Variants in DAAM2 observed in about 807,000 individuals in gnomAD.
DAAM2 encodes disheveled-associated activator of morphogenesis 2.
In DAAM2, 39 loss-of-function variants were observed where a neutral mutation model predicts 120.7. The ratio of observed to expected loss-of-function variants is 0.32; its 90% CI spans 0.25 to 0.42. The LOEUF (loss-of-function observed/expected upper bound fraction) is 0.42. DAAM2 is among the 10% of genes least tolerant of loss of function. The pLI is 1.00. For synonymous variants in DAAM2, 488 were observed against 524.9 expected (o/e 0.93, Z 0.96); for missense variants, 1,283 against 1,401.7 (o/e 0.92, Z 1.35).
chr6:39,896,500 G>T (rs563475522), intron 19 of DAAM2, among the ~76,000 whole-genome samples: 5 of 152,234 alleles, frequency 3.3e-5, no homozygotes, highest in Admixed American at 1.3e-4. Context: ...ACCGCAACCG[G>T]CCTTCTTAAT....
chr6:39,847,282 T>C (rs1185354211), intron 1 of DAAM2, among the ~76,000 whole-genome samples: 1 of 152,164 alleles, frequency 6.6e-6, no homozygotes, highest in African/African-American at 2.4e-5. Flanking sequence ...AGTCCTGGGC[T>C]GTGGAACGGT....
intron 2 of DAAM2, among the ~76,000 whole-genome samples, chr6:39,859,621 A>G (rs1422577950): frequency 6.6e-6 from 1 of 152,244 alleles, no homozygotes; most frequent in African/African-American, 2.4e-5. Context: ...TTGAAGACTT[A>G]GTGTGAAAAA....
At chr6:39,866,987 G>C (rs1377696842) in intron 5 of DAAM2, among the ~76,000 whole-genome samples, 1 of 152,244 alleles carries the variant, frequency 6.6e-6, no homozygotes, top group Non-Finnish European at 1.5e-5. Context: ...TTCTTCAGCA[G>C]AACACAGACT....
intron 1 of DAAM2, among the ~76,000 whole-genome samples, chr6:39,846,324 A>G (rs1329715603): frequency 6.6e-6 from 1 of 152,162 alleles, no homozygotes; most frequent in Non-Finnish European, 1.5e-5. Context: ...ATGGGATAGG[A>G]TTCAATTCAA....
At chr6:39,866,199 G>A (rs180986040) in intron 5 of DAAM2, among the ~76,000 whole-genome samples, 1 of 152,322 alleles carries the variant, frequency 6.6e-6, no homozygotes, top group Non-Finnish European at 1.5e-5. Flanking sequence ...GGGGATAGAG[G>A]AAAGGATGAG....
chr6:39,850,773 A>G (rs1446570786), intron 1 of DAAM2, among the ~76,000 whole-genome samples: 1 of 152,164 alleles, frequency 6.6e-6, no homozygotes. Context: ...CTTGGAAGTG[A>G]CCAGGGACAG....
intron 22 of DAAM2, chr6:39,899,823 T>C: frequency 2.9e-6 from 1 of 346,802 alleles, no homozygotes; most frequent in Non-Finnish European, 5.3e-6. Context: ...GTATTTCTCA[T>C]AATTTCCTAG....
chr6:39,801,495 C>A lies in DAAM2; in HGVS notation c.-57+9030C>A, dbSNP rs143639244. Reference sequence around the variant, plus strand: ...CCTCTCTACCTCACCTGTGCTTCTGCAGTATGAAGGGGGTGGTCCCAAGGG... The same window carrying A: ...CCTCTCTACCTCACCTGTGCTTCTGAAGTATGAAGGGGGTGGTCCCAAGGG... On this transcript the variant is annotated intron_variant, in intron 1 of 24. Coordinates refer to ENST00000274867, the MANE Select transcript of DAAM2 (RefSeq NM_001201427.2). Among the ~76,000 whole-genome samples the A allele has an allele frequency of 2.0e-5, 3 of 152,320 alleles. No individual in the cohort carries two copies. In the East Asian group the frequency reaches 5.8e-4, roughly 29 times the overall value.
chr6:39,884,599 G>A (rs927623191), intron 15 of DAAM2: 1 of 143,696 alleles, frequency 7.0e-6, no homozygotes, highest in Non-Finnish European at 1.5e-5. Context: ...TGTCACTCAG[G>A]GGGCTGAGGC....
chr6:39,834,527 A>G (rs1046870995), intron 1 of DAAM2, among the ~76,000 whole-genome samples: 24 of 152,300 alleles, frequency 1.6e-4, no homozygotes, highest in African/African-American at 5.5e-4. Flanking sequence ...TCTGTCTGCT[A>G]GTAGCTGTTG....
In DAAM2 at chr6:39,878,168, C is replaced by T. The variant is rs2149328386; in HGVS notation, c.1302-35C>T. 6.2e-7 allele frequency: 1 copy of T among 1,610,108 alleles called. No individual in the cohort carries two copies. Among genetic ancestry groups the T allele is most frequent in the Non-Finnish European group, 8.5e-7 (1 of 1,177,242 alleles). On this transcript the variant is annotated intron_variant, in intron 11 of 24. Coordinates refer to ENST00000274867, the MANE Select transcript of DAAM2 (RefSeq NM_001201427.2). This position sits in a 1 kb window ranked among gnomAD's most constrained non-coding sequence, Gnocchi z 5.0. The stretch of plus-strand genomic sequence containing the variant: ...TGGGAAGCTGTGAATCAATGGTCAA[C>T]AATCACATTGCCCCTTCCCTCTATG...
At chr6:39,804,436 A>G (rs1447232475) in intron 1 of DAAM2, among the ~76,000 whole-genome samples, 2 of 152,174 alleles carry the variant, frequency 1.3e-5, no homozygotes, top group African/African-American at 2.4e-5. Flanking sequence ...ATTCATTCAT[A>G]GTCCATAAAC....
In DAAM2 at chr6:39,878,554, T is replaced by C; in HGVS notation, c.1511T>C (p.Val504Ala). 1 of 1,608,532 alleles carries C rather than the reference T, an allele frequency of 6.2e-7. No individual in the cohort carries two copies. Among genetic ancestry groups the C allele is most frequent in the Non-Finnish European group, 8.5e-7 (1 of 1,177,658 alleles). ...GAGCTGCGCCAGGCTCGGGGACAAG[T>C]GGCAGAGCTGGTAGCCCAGCTCAGT... is the stretch of plus-strand genomic sequence containing the variant. ...SQELRQARGQ[V>A]AELVAQLSEL... is the part of the protein sequence containing the mutation. Residue 504 changes from valine (V) to alanine (A), a missense_variant, in exon 13 of 25, where the codon GTG (valine) becomes GCG (alanine). Physicochemically the swap from Val to Ala is moderately conservative, Grantham distance 64 (BLOSUM62 0). Around this residue, in one of 3 missense-constraint regions of DAAM2, gnomAD observed 748 missense variants for 768.6 expected, o/e 0.97. Coordinates refer to ENST00000274867, the MANE Select transcript of DAAM2 (RefSeq NM_001201427.2). This position sits in a 1 kb window ranked among gnomAD's most constrained non-coding sequence, Gnocchi z 5.0.
At chr6:39,861,848 C>T (rs1451728822) in intron 3 of DAAM2, 1 of 152,802 alleles carries the variant, frequency 6.5e-6, no homozygotes, top group Non-Finnish European at 1.5e-5. Context: ...TATTCCCACG[C>T]CTGAGGCTTA....
At chr6:39,898,198 C>T (rs1247998776) in intron 21 of DAAM2, among the ~76,000 whole-genome samples, 3 of 152,232 alleles carry the variant, frequency 2.0e-5, no homozygotes. Flanking sequence ...GGAATAGTTA[C>T]TTCAGTTTTC....
intron 10 of DAAM2, among the ~76,000 whole-genome samples, chr6:39,874,576 G>A (rs189637396): frequency 2.7e-4 from 41 of 152,316 alleles, no homozygotes; most frequent in Admixed American, 2.0e-3. Flanking sequence ...ATTCTACCTT[G>A]TAGGCATTGT....
At chr6:39,891,827 T>G (rs1765740936) in intron 19 of DAAM2, 105 bp downstream of exon 19, 9 of 867,184 alleles carry the variant, frequency 1.0e-5, no homozygotes, top group Non-Finnish European at 1.6e-5. Context: ...TTTCTTATTC[T>G]CAACCCAAAA....
intron 1 of DAAM2, among the ~76,000 whole-genome samples, chr6:39,800,617 T>A (rs1761833421): frequency 6.6e-6 from 1 of 152,110 alleles, no homozygotes; most frequent in South Asian, 2.1e-4. Flanking sequence ...CTGGACATGG[T>A]TAGCCTTTTT....
chr6:39,887,538 A>G lies in DAAM2; in HGVS notation c.2006A>G (p.Glu669Gly). The change falls in exon 16 of 25, where the codon GAG becomes GGG. Residue 669 changes from glutamate (E) to glycine (G), a missense_variant. Coordinates refer to ENST00000274867, the MANE Select transcript of DAAM2 (RefSeq NM_001201427.2). ...DIYLASRKVK[E>G]LSVIDGRRAQ... ...TACCTGGCTTCCCGCAAGGTCAAAGAGCTGTCGGTCATTGATGGCCGGAGG... is the reference window on the plus strand; with the variant it reads ...TACCTGGCTTCCCGCAAGGTCAAAGGGCTGTCGGTCATTGATGGCCGGAGG... 6.2e-7 allele frequency: 1 copy of G among 1,613,822 alleles called. No homozygotes were observed. Among genetic ancestry groups the G allele is most frequent in the Non-Finnish European group, 8.5e-7 (1 of 1,179,828 alleles).
Sources: allele counts gnomAD v4.1 joint callset (sites outside exome capture counted in the v4.1 genomes callset), GRCh38; gene constraint gnomAD v4.1.1; regional missense constraint gnomAD v4.1.1; non-coding constraint Gnocchi (gnomAD v3.1); transcripts MANE v1.5; gene names NCBI Gene and HGNC (gene_info 2026-07-23, HGNC 2026-07-21).